The following UBE2E2 variants were observed in gnomAD, a reference collection of about 807,000 sequenced individuals.
UBE2E2 encodes ubiquitin conjugating enzyme E2 E2, also known as ubiquitin-conjugating enzyme E2 E2.
A neutral mutation model predicts 24.7 loss-of-function variants in UBE2E2; 6 were observed. The ratio of observed to expected loss-of-function variants is 0.24; its 90% CI spans 0.13 to 0.48. The LOEUF (loss-of-function observed/expected upper bound fraction) is 0.48, where lower values mean the gene tolerates loss of function less well. UBE2E2 is among the 20% of genes least tolerant of loss of function. UBE2E2 has a pLI of 0.99. For missense variants in UBE2E2, 169 were observed against 245.0 expected (o/e 0.69, Z 2.07); for synonymous variants, 104 against 83.6 (o/e 1.24, Z -1.33).
intron 3 of UBE2E2, among the ~76,000 whole-genome samples, chr3:23,454,707 C>A (rs932805692): frequency 2.0e-5 from 3 of 152,164 alleles, no homozygotes; most frequent in African/African-American, 7.2e-5. Context: ...AGAATAACAG[C>A]TCTTTTAAAG....
chr3:23,498,837 T>G (rs552419949), intron 3 of UBE2E2, among the ~76,000 whole-genome samples: 1 of 152,280 alleles, frequency 6.6e-6, no homozygotes, highest in Non-Finnish European at 1.5e-5. Context: ...CTGAGAGAAC[T>G]AATACAATTC....
chr3:23,335,007 G>A (rs1365533244), intron 3 of UBE2E2, among the ~76,000 whole-genome samples: 3 of 152,152 alleles, frequency 2.0e-5, no homozygotes, highest in East Asian at 1.9e-4. Flanking sequence ...AGCCTTAAAA[G>A]CTCTGGCAGA....
intron 3 of UBE2E2, among the ~76,000 whole-genome samples, chr3:23,250,614 A>G (rs542400667): frequency 6.6e-6 from 1 of 152,338 alleles, no homozygotes; most frequent in Admixed American, 6.5e-5. Flanking sequence ...GTCTCTTATG[A>G]TACTCTGTTC....
chr3:23,273,121 A>C (rs962221097), intron 3 of UBE2E2, among the ~76,000 whole-genome samples: 1 of 152,242 alleles, frequency 6.6e-6, no homozygotes, highest in African/African-American at 2.4e-5. Flanking sequence ...TGCCCCAGTC[A>C]AGTTGACACA....
chr3:23,498,970 A>T (rs1699663884), intron 3 of UBE2E2, among the ~76,000 whole-genome samples: 1 of 152,180 alleles, frequency 6.6e-6, no homozygotes, highest in South Asian at 2.1e-4. Flanking sequence ...CATCCAACAT[A>T]CTGACTTAAG....
intron 3 of UBE2E2, among the ~76,000 whole-genome samples, chr3:23,322,460 A>G (rs996420653): frequency 6.6e-6 from 1 of 152,164 alleles, no homozygotes; most frequent in Non-Finnish European, 1.5e-5. Flanking sequence ...CAGAATCCCC[A>G]TGTGACTTGA....
At chr3:23,302,520 C>G (rs553737894) in intron 3 of UBE2E2, among the ~76,000 whole-genome samples, 1 of 152,186 alleles carries the variant, frequency 6.6e-6, no homozygotes, top group Non-Finnish European at 1.5e-5. Flanking sequence ...ACACACCAAC[C>G]TCTCCTTTCT....
intron 4 of UBE2E2, among the ~76,000 whole-genome samples, chr3:23,504,547 C>T (rs1446531185): frequency 2.0e-5 from 3 of 151,998 alleles, no homozygotes; most frequent in Admixed American, 6.6e-5. Flanking sequence ...CAGTTTACAT[C>T]GTGACCATCA....
intron 3 of UBE2E2, among the ~76,000 whole-genome samples, chr3:23,344,571 A>G (rs1695495049): frequency 6.6e-6 from 1 of 152,088 alleles, no homozygotes. Context: ...TGAGTGAATG[A>G]ATGAAGATAT....
intron 3 of UBE2E2, among the ~76,000 whole-genome samples, chr3:23,381,483 T>A (rs1431972473): frequency 1.3e-5 from 2 of 152,280 alleles, no homozygotes; most frequent in South Asian, 4.2e-4. Flanking sequence ...GGATTTAATT[T>A]GTTTAGGAAA....
At chr3:23,554,574 T>C (rs781335312) in intron 5 of UBE2E2, among the ~76,000 whole-genome samples, 12 of 151,898 alleles carry the variant, frequency 7.9e-5, no homozygotes, top group Admixed American at 2.0e-4. Context: ...GAAAATCAAC[T>C]CAAGATAGAT....
chr3:23,439,198 A>T (rs1698243837), intron 3 of UBE2E2, among the ~76,000 whole-genome samples: 1 of 152,216 alleles, frequency 6.6e-6, no homozygotes, highest in East Asian at 1.9e-4. Flanking sequence ...AAATACTGTT[A>T]TGTGTACAGG....
At chr3:23,519,413 G>T (rs968110096) in intron 4 of UBE2E2, among the ~76,000 whole-genome samples, 1 of 151,880 alleles carries the variant, frequency 6.6e-6, no homozygotes, top group Admixed American at 6.6e-5. Context: ...TATTTTTCAA[G>T]TATGCTTCCT....
At chr3:23,545,742 G>A (rs544980200) in intron 5 of UBE2E2, among the ~76,000 whole-genome samples, 66 of 152,110 alleles carry the variant, frequency 4.3e-4, no homozygotes, top group Non-Finnish European at 7.1e-4. Flanking sequence ...ATTGACAATC[G>A]CAAAGATATG....
intron 3 of UBE2E2, among the ~76,000 whole-genome samples, chr3:23,436,564 ATTTTTT>A (rs35403338): frequency 6.7e-6 from 1 of 148,844 alleles, no homozygotes; most frequent in Non-Finnish European, 1.5e-5. Context: ...TTTACAGAAG[ATTTTTT>A]TTTTTTCCTA....
intron 3 of UBE2E2, among the ~76,000 whole-genome samples, chr3:23,477,982 A>G (rs1388392539): frequency 2.0e-5 from 3 of 152,172 alleles, no homozygotes; most frequent in Non-Finnish European, 4.4e-5. Flanking sequence ...CACTTCTGCC[A>G]TGATTGTCAG....
At chr3:23,294,772 A>G (rs1698865672) in intron 3 of UBE2E2, among the ~76,000 whole-genome samples, 1 of 149,376 alleles carries the variant, frequency 6.7e-6, no homozygotes, top group East Asian at 1.9e-4. Context: ...ACTTTATTTT[A>G]TTAGATATTT....
chr3:23,243,009 C>G (rs1697297296), intron 3 of UBE2E2, among the ~76,000 whole-genome samples: 1 of 151,820 alleles, frequency 6.6e-6, no homozygotes, highest in African/African-American at 2.4e-5. Flanking sequence ...TTGCTTGAAC[C>G]TGGGAGGCGG....
intron 3 of UBE2E2, among the ~76,000 whole-genome samples, chr3:23,398,177 G>A (rs1046535124): frequency 3.3e-5 from 5 of 151,968 alleles, no homozygotes; most frequent in African/African-American, 9.7e-5. Flanking sequence ...GCCAGGTTTG[G>A]TGGTGGGCGC....
Sources: gnomAD v4.1 joint callset for allele counts (sites outside exome capture counted in the v4.1 genomes callset) on GRCh38, gnomAD v4.1.1 for gene constraint, MANE v1.5 for transcripts, NCBI Gene and HGNC (gene_info 2026-07-23, HGNC 2026-07-21) for gene names.